The following DNAH6 variants were observed in gnomAD, a reference collection of about 807,000 sequenced individuals.
The protein encoded by DNAH6 is axonemal beta dynein heavy chain 6.
Under a neutral mutation model 491.4 loss-of-function variants are expected in DNAH6, and 340 were observed. The observed-to-expected ratio is 0.69, with a 90% CI of 0.63 to 0.76. DNAH6 has a LOEUF of 0.76. Ranked by LOEUF, DNAH6 falls within the 30% of genes least tolerant of loss-of-function variation. DNAH6 has a pLI of 0.00. For missense variants in DNAH6, 4,443 were observed against 4,972.2 expected (o/e 0.89, Z 3.20); for synonymous variants, 1,603 against 1,686.1 (o/e 0.95, Z 1.21).
intron 24 of DNAH6, among the ~76,000 whole-genome samples, 155 bp from the exon 25 acceptor site, chr2:84,621,036 A>G (rs1687346901): frequency 6.6e-6 from 1 of 152,192 alleles, no homozygotes; most frequent in African/African-American, 2.4e-5. Flanking sequence ...GGGTGAAAGG[A>G]GATAGATGCA....
Position 84,573,584 on chromosome 2 carries a change from C to T in DNAH6, c.1921C>T (p.Pro641Ser), listed in dbSNP as rs1290484856. The T allele has an allele frequency of 6.4e-7, 1 of 1,563,652 alleles. No homozygotes were observed. The highest frequency in any genetic ancestry group is 8.6e-7 in the Non-Finnish European group (1 of 1,165,568). Residue 641 changes from proline (P) to serine (S), a missense_variant, in exon 12 of 77, where the codon CCT becomes TCT. Around this residue, in one of 3 missense-constraint regions of DNAH6, gnomAD observed 2,977 missense variants for 3,296.6 expected, o/e 0.90. Coordinates refer to ENST00000389394, the MANE Select transcript of DNAH6 (RefSeq NM_001370.2). ...TTTACAAGCTCTTAAACTTCAGGAACCTGGTAACTTGTCCATTTGTACTTA... is the reference window on the plus strand; with the variant it reads ...TTTACAAGCTCTTAAACTTCAGGAATCTGGTAACTTGTCCATTTGTACTTA... Reference protein sequence around the residue: ...LDLQALKLQEPDINFFSEQLE... With the variant: ...LDLQALKLQESDINFFSEQLE...
chr2:84,780,224 A>G (rs1676549413), intron 64 of DNAH6, among the ~76,000 whole-genome samples: 1 of 152,168 alleles, frequency 6.6e-6, no homozygotes, highest in Admixed American at 6.5e-5. Flanking sequence ...ATATTCTCAA[A>G]TATGTTACCC....
chr2:84,536,826 G>T (rs1677739000), intron 4 of DNAH6, among the ~76,000 whole-genome samples: 1 of 151,930 alleles, frequency 6.6e-6, no homozygotes, highest in African/African-American at 2.4e-5. Context: ...CTTCAAAAAA[G>T]TTATGGTCAC....
At chr2:84,531,095 C>A (rs901084222) in intron 4 of DNAH6, among the ~76,000 whole-genome samples, 1 of 151,984 alleles carries the variant, frequency 6.6e-6, no homozygotes, top group Non-Finnish European at 1.5e-5. Flanking sequence ...AAACTCAAGG[C>A]CAAGATGGAA....
intron 64 of DNAH6, 96 bp downstream of exon 64, chr2:84,763,041 C>CT (rs754833179): frequency 3.4e-6 from 3 of 886,334 alleles, no homozygotes; most frequent in Non-Finnish European, 3.5e-6. Flanking sequence ...AGCATAAATT[C>CT]TTACATTCAG....
At chr2:84,520,022 A>G (rs897872325) in intron 2 of DNAH6, among the ~76,000 whole-genome samples, 19 of 44,048 alleles carry the variant, frequency 4.3e-4, no homozygotes, top group African/African-American at 6.5e-4. Context: ...AATTTACTAA[A>G]TCATTCTCCT....
chr2:84,595,678 A>G lies in DNAH6; in HGVS notation c.2757A>G (p.Leu919=). The change falls in exon 18 of 77, where the codon CTA becomes CTG. Residue 919 remains leucine (L), a synonymous_variant. Coordinates refer to ENST00000389394, the MANE Select transcript of DNAH6 (RefSeq NM_001370.2). The stretch of plus-strand genomic sequence containing the variant: ...TTGATTGCCTGGATCCAGAAGTCCT[A>G]AACGGTCAAGTTTCTAAATATGCTA... ...SKFDCLDPEV[L]NGQVSKYAKF... 2 of 1,550,788 alleles carry G rather than the reference A, an allele frequency of 1.3e-6. No individual in the cohort carries two copies. Among genetic ancestry groups the G allele is most frequent in the Non-Finnish European group, 1.7e-6 (2 of 1,146,584 alleles).
At chr2:84,495,093 T>C in the DNAH6 span, among the ~76,000 whole-genome samples, 1 of 152,158 alleles carries the variant, frequency 6.6e-6, no homozygotes, top group Non-Finnish European at 1.5e-5. Context: ...ATTCATATGA[T>C]GTGTGGCCTG....
chr2:84,517,236 A>C (rs1214058041), intron 1 of DNAH6, among the ~76,000 whole-genome samples: 1 of 152,198 alleles, frequency 6.6e-6, no homozygotes, highest in South Asian at 2.1e-4. Flanking sequence ...CAAAAGGCTC[A>C]TATTTCTAGT....
chr2:84,550,108 A>T, intron 9 of DNAH6, 51 bp downstream of exon 9: 1 of 1,405,860 alleles, frequency 7.1e-7, no homozygotes. Context: ...TTTATTGAGG[A>T]GTGCAAACTA....
In DNAH6 at chr2:84,642,015, A is replaced by G. The variant is rs778323335; in HGVS notation, c.5039A>G (p.Asn1680Ser). The G allele has an allele frequency of 4.4e-5, 68 of 1,550,892 alleles. No individual in the cohort carries two copies. The African/African-American group carries it at 7.1e-4, about 16-fold the overall frequency. Residue 1680 changes from asparagine (N) to serine (S), a missense_variant, in exon 33 of 77, where the codon AAT becomes AGT. This residue lies in a region of DNAH6 where 2,977 missense variants were observed against 3,296.6 expected (regional missense o/e 0.90). Transcript: ENST00000389394. ...TTGATAAGAGCTTTACAAGACTCCA[A>G]TTTGCCAAAATTTCTAACAGATGAT... Reference protein sequence around the residue: ...VVLIRALQDSNLPKFLTDDAL... With the variant: ...VVLIRALQDSSLPKFLTDDAL...
chr2:84,817,534 A>G (rs768955147), intron 76 of DNAH6, among the ~76,000 whole-genome samples: 2 of 152,104 alleles, frequency 1.3e-5, no homozygotes, highest in Non-Finnish European at 2.9e-5. Flanking sequence ...TCAGGAGGCT[A>G]AGGTGGGAGG....
chr2:84,805,723 C>T lies in DNAH6; in HGVS notation c.11540C>T (p.Thr3847Ile). ...CTTGAGGTTCAGCCAAGGTCATCTA[C>T]TGGTGGAGAGGGAAAAAGCAATGAC... ...TILEVQPRSSTGGEGKSNDEI... is the reference protein window; with the variant it reads ...TILEVQPRSSIGGEGKSNDEI... Residue 3847 changes from threonine (T) to isoleucine (I), a missense_variant, in exon 71 of 77, where the codon ACT (threonine) becomes ATT (isoleucine). Around this residue, in one of 3 missense-constraint regions of DNAH6, gnomAD observed 1,463 missense variants for 1,656.6 expected, o/e 0.88. Coordinates refer to ENST00000389394, the MANE Select transcript of DNAH6 (RefSeq NM_001370.2). 2 of 1,551,722 alleles carry T rather than the reference C, an allele frequency of 1.3e-6. No individual in the cohort carries two copies. The highest frequency in any genetic ancestry group is 8.7e-7 in the Non-Finnish European group (1 of 1,146,932).
Position 84,707,532 on chromosome 2 carries a change from C to G in DNAH6, c.8864C>G (p.Ala2955Gly), listed in dbSNP as rs1390183176. ...AAAATTTTTCTAGCAAAGACCATGG[C>G]CCTGACAAAAGCACGTCTAGTACGT... is the stretch of plus-strand genomic sequence containing the variant. ...NEKESLAKTM[A>G]LTKARLVRAG... is the part of the protein sequence containing the mutation. Residue 2955 changes from alanine (A) to glycine (G), a missense_variant, in exon 54 of 77, where the codon GCC (alanine) becomes GGC (glycine). By Grantham distance (60) the Ala-to-Gly change is moderately conservative (BLOSUM62 0). This residue lies in a region of DNAH6 where 1,463 missense variants were observed against 1,656.6 expected (regional missense o/e 0.88). Transcript: ENST00000389394. 1 of 1,550,844 alleles carries G rather than the reference C, an allele frequency of 6.4e-7. No homozygotes were observed. The highest frequency in any genetic ancestry group is 1.2e-5 in the South Asian group (1 of 83,872).
chr2:84,651,787 A>C (rs1413534730), intron 33 of DNAH6, among the ~76,000 whole-genome samples: 2 of 152,152 alleles, frequency 1.3e-5, no homozygotes, highest in African/African-American at 4.8e-5. Flanking sequence ...AGTTGTACTT[A>C]ATGGAAGGAA....
At chr2:84,797,687 A>C in intron 70 of DNAH6, 29 bp downstream of exon 70, 1 of 1,535,378 alleles carries the variant, frequency 6.5e-7, no homozygotes, top group South Asian at 1.2e-5. Flanking sequence ...TAAAATACAT[A>C]TTTATGTTGT....
chr2:84,699,647 CAT>C lies in DNAH6; in HGVS notation c.7732_7733del (p.Met2578GlufsTer24). 1 of 1,551,822 alleles carries C rather than the reference CAT, an allele frequency of 6.4e-7. No individual in the cohort carries two copies. The highest frequency in any genetic ancestry group is 8.7e-7 in the Non-Finnish European group (1 of 1,146,978). On this transcript the variant is annotated frameshift_variant, in exon 48 of 77. Transcript: ENST00000389394. LOFTEE classifies it high-confidence loss of function. The stretch of plus-strand genomic sequence containing the variant: ...GTCAGAAGCTGCACATTGTTCTCTG[CAT>C]GAGCCCAGTTGGGGAGGCCTTTCGG... ...VRQKLHIVLC[M>X]SPVGEAFRSR... is the part of the protein sequence containing the mutation.
At chr2:84,757,414 T>C (rs878919680) in intron 63 of DNAH6, among the ~76,000 whole-genome samples, 12 of 152,144 alleles carry the variant, frequency 7.9e-5, no homozygotes, top group Admixed American at 7.9e-4. Context: ...TCAGGAAATG[T>C]ATATACAGAC....
rs17025400 is a variant in DNAH6, at chr2:84,669,294, C to A, written c.6090C>A (p.Pro2030=). 6,276 of 1,549,854 alleles carry A rather than the reference C, an allele frequency of 4.0e-3. 240 individuals carry two copies. In the African/African-American group the frequency reaches 0.078, roughly 19 times the overall value. Residue 2030 remains proline (P), a synonymous_variant, in exon 38 of 77, where the codon CCC becomes CCA. Coordinates refer to ENST00000389394, the MANE Select transcript of DNAH6 (RefSeq NM_001370.2). ...TGTTTAATTTTGTACTTTAGCTTCC[C>A]AATTCTGGTGATCTGTGGAGCATTC... ...QFDDNPDARL[P]NSGDLWSIHM...
Sources: allele counts gnomAD v4.1 joint callset (sites outside exome capture counted in the v4.1 genomes callset), GRCh38; gene constraint gnomAD v4.1.1; regional missense constraint gnomAD v4.1.1; transcripts MANE v1.5; gene names NCBI Gene and HGNC (gene_info 2026-07-23, HGNC 2026-07-21).